Variants in SLC9A8 observed in about 807,000 individuals in gnomAD.
SLC9A8 encodes solute carrier family 9 member A8.
In SLC9A8, 48 loss-of-function variants were observed where a neutral mutation model predicts 66.6. That is an observed-to-expected ratio of 0.72 (90% confidence interval 0.57 to 0.92). The LOEUF (loss-of-function observed/expected upper bound fraction) is 0.92, where lower values mean the gene tolerates loss of function less well. Among genes scored for constraint, SLC9A8 ranks in the 40% least tolerant of loss-of-function variants. The probability of loss-of-function intolerance (pLI) is 0.00; values close to 1 mark genes in which losing one functional copy is unlikely to be tolerated. For missense variants in SLC9A8, 599 were observed against 747.3 expected, an observed-to-expected ratio of 0.80 and a Z score of 2.31; for synonymous variants, 274 against 282.6, an observed-to-expected ratio of 0.97 and a Z score of 0.31.
chr20:49,831,402 A>ACACTCT (rs1022015358), intron 3 of SLC9A8, among the ~76,000 whole-genome samples: 3 of 142,750 alleles, frequency 2.1e-5, no homozygotes, highest in Non-Finnish European at 4.7e-5. Context: ...ACACACACAC[A>ACACTCT]CTCTCTCTCT....
chr20:49,818,919 G>C (rs766960460), intron 2 of SLC9A8, among the ~76,000 whole-genome samples: 66 of 152,192 alleles, frequency 4.3e-4, no homozygotes, highest in Non-Finnish European at 6.0e-4. Context: ...CAGAACTCCT[G>C]ACCTGGAATT....
At chr20:49,877,512 G>A (rs1046819335) in intron 11 of SLC9A8, among the ~76,000 whole-genome samples, 2 of 152,146 alleles carry the variant, frequency 1.3e-5, no homozygotes, top group South Asian at 2.1e-4. Context: ...TGCTGGGTGT[G>A]AGCTGTGTTC....
intron 8 of SLC9A8, among the ~76,000 whole-genome samples, chr20:49,859,366 G>T (rs995347969): frequency 6.6e-6 from 1 of 152,190 alleles, no homozygotes; most frequent in Non-Finnish European, 1.5e-5. Context: ...GACCATGAAG[G>T]ATATGAGGAA....
intron 10 of SLC9A8, among the ~76,000 whole-genome samples, chr20:49,867,452 AC>A (rs993720390): frequency 2.0e-5 from 3 of 151,884 alleles, no homozygotes; most frequent in African/African-American, 7.3e-5. Context: ...AACTATTCCC[AC>A]CCATGTCAGC....
chr20:49,860,933 T>C (rs946412797), intron 8 of SLC9A8, among the ~76,000 whole-genome samples: 4 of 152,158 alleles, frequency 2.6e-5, no homozygotes, highest in African/African-American at 9.7e-5. Context: ...CACGACAGTT[T>C]CCCATGCTGT....
chr20:49,881,988 G>C (rs1600811659), intron 13 of SLC9A8, among the ~76,000 whole-genome samples: 2 of 152,190 alleles, frequency 1.3e-5, no homozygotes, highest in African/African-American at 2.4e-5. Flanking sequence ...GTCGGCTCCT[G>C]TTCTCTCCCA....
At chr20:49,839,984 A>T (rs1356018373) in intron 4 of SLC9A8, among the ~76,000 whole-genome samples, 1 of 152,192 alleles carries the variant, frequency 6.6e-6, no homozygotes, top group Non-Finnish European at 1.5e-5. Context: ...ACTGTGAGAC[A>T]CAGTACTTTA....
Position 49,886,701 on chromosome 20 carries a change from C to T in SLC9A8, c.1492-51C>T. 6.3e-7 allele frequency: 1 copy of T among 1,589,478 alleles called. No homozygotes were observed. Among genetic ancestry groups the T allele is most frequent in the African/African-American group, 1.3e-5 (1 of 74,480 alleles). On this transcript the variant is annotated intron_variant, in intron 14 of 15. Coordinates refer to ENST00000361573, the MANE Select transcript of SLC9A8 (RefSeq NM_015266.3). This position sits in a 1 kb window ranked among gnomAD's most constrained non-coding sequence, Gnocchi z 4.8. ...GGTGTGGGGGCTTCCAGGAGGTGCCCCCCGATGGTGCCAGCTGGTGGCCGT... is the reference window on the plus strand; with the variant it reads ...GGTGTGGGGGCTTCCAGGAGGTGCCTCCCGATGGTGCCAGCTGGTGGCCGT...
chr20:49,822,828 A>G (rs546640285), intron 2 of SLC9A8, among the ~76,000 whole-genome samples: 24 of 152,326 alleles, frequency 1.6e-4, no homozygotes, highest in Non-Finnish European at 2.9e-4. Flanking sequence ...AACTACTGGG[A>G]AACAAACTAG....
Position 49,843,245 on chromosome 20 carries a change from G to C in SLC9A8, c.349-1791G>C, listed in dbSNP as rs537935969. 3.3e-5 allele frequency among the ~76,000 whole-genome samples: 5 copies of C among 152,232 alleles called. No homozygotes were observed. In the South Asian group the frequency reaches 1.0e-3, roughly 32 times the overall value. On this transcript the variant is annotated intron_variant, in intron 4 of 15. Transcript: ENST00000361573. ...CCAAAAGGCTGTATATAGTGGTCCT[G>C]CTGCACAGATCCTGAGAATAGGTTG...
At chr20:49,863,858 C>T (rs552288039) in intron 9 of SLC9A8, 2 of 152,342 alleles carry the variant, frequency 1.3e-5, no homozygotes, top group East Asian at 1.9e-4. Context: ...CCCGCCTCCA[C>T]GAGCAGTTTG....
chr20:49,830,780 C>G, intron 3 of SLC9A8: 1 of 861,298 alleles, frequency 1.2e-6, no homozygotes, highest in Non-Finnish European at 2.0e-6. Flanking sequence ...TAGCCATGAT[C>G]ACTGAGGTGC....
chr20:49,860,730 A>C (rs1300941598), intron 8 of SLC9A8, among the ~76,000 whole-genome samples: 3 of 152,082 alleles, frequency 2.0e-5, no homozygotes, highest in African/African-American at 7.2e-5. Context: ...CAAAAATAAT[A>C]ATAATAATAA....
chr20:49,850,973 G>T, intron 7 of SLC9A8, 129 bp downstream of exon 7: 1 of 601,884 alleles, frequency 1.7e-6, no homozygotes, highest in East Asian at 2.9e-5. Flanking sequence ...AAGGATTTCT[G>T]CCATAGAATC....
chr20:49,850,118 A>G (rs142200579), intron 6 of SLC9A8, among the ~76,000 whole-genome samples: 53 of 152,362 alleles, frequency 3.5e-4, no homozygotes, highest in African/African-American at 1.2e-3. Flanking sequence ...AAATAATAAA[A>G]TCAAAGGTGA....
At chr20:49,841,197 T>C (rs2087744628) in intron 4 of SLC9A8, among the ~76,000 whole-genome samples, 1 of 151,844 alleles carries the variant, frequency 6.6e-6, no homozygotes. Context: ...TCCCAGCTAC[T>C]TGGGAGGCTG....
At chr20:49,869,731 G>T (rs1284395007) in intron 10 of SLC9A8, among the ~76,000 whole-genome samples, 1 of 152,024 alleles carries the variant, frequency 6.6e-6, no homozygotes, top group African/African-American at 2.4e-5. Flanking sequence ...TACTCGGCAG[G>T]CTGAGGCAGG....
intron 2 of SLC9A8, among the ~76,000 whole-genome samples, chr20:49,822,497 G>A (rs894190886): frequency 6.6e-6 from 1 of 152,088 alleles, no homozygotes; most frequent in Non-Finnish European, 1.5e-5. Flanking sequence ...AAAAAAATAG[G>A]TTTCTGGCTG....
chr20:49,851,293 A>C (rs1361095999), intron 7 of SLC9A8, among the ~76,000 whole-genome samples: 1 of 152,124 alleles, frequency 6.6e-6, no homozygotes, highest in Non-Finnish European at 1.5e-5. Flanking sequence ...CAAGACCTCT[A>C]TTGTGGTTAT....
Sources: gnomAD v4.1 joint callset for allele counts (sites outside exome capture counted in the v4.1 genomes callset) on GRCh38, gnomAD v4.1.1 for gene constraint, Gnocchi (gnomAD v3.1) non-coding constraint, MANE v1.5 for transcripts, NCBI Gene and HGNC (gene_info 2026-07-23, HGNC 2026-07-21) for gene names.